CDH18: variants seen among roughly 807,000 people sequenced by gnomAD.
CDH18 encodes the protein cadherin 18.
Under a neutral mutation model 67.9 loss-of-function variants are expected in CDH18, and 31 were observed. That is an observed-to-expected ratio of 0.46 (90% confidence interval 0.34 to 0.62). CDH18 has a LOEUF of 0.62. CDH18 is among the 20% of genes least tolerant of loss of function. CDH18 has a pLI of 0.01. For synonymous variants in CDH18, 362 were observed against 347.2 expected (o/e 1.04, Z -0.48); for missense variants, 890 against 975.5 (o/e 0.91, Z 1.17).
intron 3 of CDH18, among the ~76,000 whole-genome samples, chr5:19,755,849 A>G (rs1771535138): frequency 6.6e-6 from 1 of 151,860 alleles, no homozygotes; most frequent in African/African-American, 2.4e-5. Flanking sequence ...CCTGCTTTGT[A>G]TTTGCTGACA....
intron 5 of CDH18, among the ~76,000 whole-genome samples, chr5:19,677,325 A>C (rs1384809190): frequency 2.6e-5 from 4 of 152,122 alleles, no homozygotes; most frequent in African/African-American, 9.6e-5. Context: ...TAAGCTAGGA[A>C]GAAATAAGAT....
chr5:20,291,894 C>A (rs966013205), intron 1 of CDH18, among the ~76,000 whole-genome samples: 1 of 152,066 alleles, frequency 6.6e-6, no homozygotes, highest in African/African-American at 2.4e-5. Flanking sequence ...TCTCCTCTGG[C>A]CCTACTGGCT....
At chr5:19,796,341 T>C (rs368983546) in intron 3 of CDH18, among the ~76,000 whole-genome samples, 5 of 152,218 alleles carry the variant, frequency 3.3e-5, no homozygotes, top group East Asian at 3.9e-4. Flanking sequence ...AGTAAAGTGA[T>C]GCATTACCTG....
At chr5:19,679,692 C>A (rs902246167) in intron 5 of CDH18, among the ~76,000 whole-genome samples, 1 of 151,820 alleles carries the variant, frequency 6.6e-6, no homozygotes, top group Non-Finnish European at 1.5e-5. Flanking sequence ...CCATTTCTAG[C>A]AGCCACAAGT....
At chr5:20,442,619 A>G (rs1468368983) in intron 1 of CDH18, among the ~76,000 whole-genome samples, 2 of 151,924 alleles carry the variant, frequency 1.3e-5, no homozygotes, top group Admixed American at 1.3e-4. Context: ...TAAAATATTT[A>G]AAAAGGAGGA....
At chr5:19,638,417 G>C (rs1003298190) in intron 5 of CDH18, among the ~76,000 whole-genome samples, 12 of 152,240 alleles carry the variant, frequency 7.9e-5, no homozygotes, top group Non-Finnish European at 8.8e-5. Flanking sequence ...TTATTCGTTA[G>C]TTTTCTCCTC....
chr5:19,917,558 G>C (rs114293956), intron 2 of CDH18, among the ~76,000 whole-genome samples: 10 of 152,148 alleles, frequency 6.6e-5, no homozygotes, highest in Non-Finnish European at 1.5e-4. Context: ...CCTGAGATGT[G>C]GAAAGCATTG....
At chr5:20,029,971 G>A (rs1425840758) in intron 2 of CDH18, among the ~76,000 whole-genome samples, 1 of 152,164 alleles carries the variant, frequency 6.6e-6, no homozygotes, top group African/African-American at 2.4e-5. Context: ...TTAGTTTCAT[G>A]TAGTTGTAGG....
intron 1 of CDH18, among the ~76,000 whole-genome samples, chr5:20,553,870 G>A (rs1202969901): frequency 2.0e-5 from 3 of 151,946 alleles, no homozygotes; most frequent in East Asian, 1.9e-4. Flanking sequence ...AATCCGGATC[G>A]GGATTATTGT....
chr5:19,945,098 G>A (rs1039128836), intron 2 of CDH18, among the ~76,000 whole-genome samples: 2 of 152,130 alleles, frequency 1.3e-5, no homozygotes, highest in Non-Finnish European at 2.9e-5. Flanking sequence ...GGTAAAGCCT[G>A]GTATCTTCAA....
intron 2 of CDH18, among the ~76,000 whole-genome samples, chr5:19,846,663 A>C (rs1316793911): frequency 6.6e-6 from 1 of 152,152 alleles, no homozygotes; most frequent in African/African-American, 2.4e-5. Context: ...ACTTGATTAC[A>C]TGCAGATTTT....
intron 6 of CDH18, among the ~76,000 whole-genome samples, chr5:19,597,212 C>T (rs1034246125): frequency 6.6e-6 from 1 of 152,198 alleles, no homozygotes; most frequent in African/African-American, 2.4e-5. Context: ...ACCAGCTCCA[C>T]CTCCACTGAG....
In CDH18 at chr5:20,473,994, A is replaced by G. The variant is rs765889232; in HGVS notation, c.-580+101468T>C. ...AAAATATCATCCTTTTGCTTGCCAC[A>G]TAATTGTAAATCTCCCCTTAATTCT... On this transcript the variant is annotated intron_variant, in intron 1 of 14. Transcript: ENST00000507958. Among the ~76,000 whole-genome samples, 20 of 152,296 alleles carry G rather than the reference A, an allele frequency of 1.3e-4. 1 individual carries two copies. Among genetic ancestry groups the G allele is most frequent in the South Asian group, 2.1e-4 (1 of 4,828 alleles).
intron 2 of CDH18, among the ~76,000 whole-genome samples, chr5:20,041,909 G>A (rs1183163658): frequency 6.6e-6 from 1 of 152,168 alleles, no homozygotes; most frequent in Non-Finnish European, 1.5e-5. Context: ...ATTTAGAACT[G>A]AAAATTATAA....
intron 1 of CDH18, among the ~76,000 whole-genome samples, chr5:20,446,399 C>T (rs1033683464): frequency 6.6e-6 from 1 of 152,074 alleles, no homozygotes; most frequent in African/African-American, 2.4e-5. Flanking sequence ...AACTACCTAA[C>T]AAACCCACTC....
chr5:20,008,227 A>G (rs1040594042), intron 2 of CDH18, among the ~76,000 whole-genome samples: 2 of 152,102 alleles, frequency 1.3e-5, no homozygotes, highest in African/African-American at 4.8e-5. Flanking sequence ...ATTATGTTTG[A>G]GAATATAAAA....
chr5:20,314,961 T>C (rs1366394719), intron 1 of CDH18, among the ~76,000 whole-genome samples: 1 of 152,132 alleles, frequency 6.6e-6, no homozygotes, highest in Non-Finnish European at 1.5e-5. Flanking sequence ...AACAATTATT[T>C]ACCTAAAATA....
Position 19,509,120 on chromosome 5 carries a change from T to C in CDH18, c.1513-6011A>G, listed in dbSNP as rs1215614887. 2.0e-5 allele frequency among the ~76,000 whole-genome samples: 3 copies of C among 152,076 alleles called. No homozygotes were observed. In the South Asian group the frequency reaches 6.2e-4, roughly 32 times the overall value. On this transcript the variant is annotated intron_variant, in intron 10 of 12. Coordinates refer to ENST00000382275, the MANE Select transcript of CDH18 (RefSeq NM_004934.5). ...CTGGCCTCAAGTGATCTGCCCTCCTTGGCCTCCCAAAATACTGGGATTACA... is the reference window on the plus strand; with the variant it reads ...CTGGCCTCAAGTGATCTGCCCTCCTCGGCCTCCCAAAATACTGGGATTACA...
intron 2 of CDH18, among the ~76,000 whole-genome samples, chr5:20,007,189 C>A (rs56993023): frequency 0.12 from 18,382 of 151,438 alleles, 1,500 homozygotes; most frequent in East Asian, 0.31. Context: ...TGAAAACAAT[C>A]CAGATTAGAT....
Sources: gnomAD v4.1 joint callset for allele counts (sites outside exome capture counted in the v4.1 genomes callset) on GRCh38, gnomAD v4.1.1 for gene constraint, MANE v1.5 for transcripts, NCBI Gene and HGNC (gene_info 2026-07-23, HGNC 2026-07-21) for gene names.